MFF: variants seen among roughly 807,000 people sequenced by gnomAD.
MFF encodes the protein mitochondrial fission factor, also known as chromosome 2 open reading frame 33.
Under a neutral mutation model 36.9 loss-of-function variants are expected in MFF, and 12 were observed. That is an observed-to-expected ratio of 0.33 (90% CI 0.21 to 0.53). The LOEUF (loss-of-function observed/expected upper bound fraction) is 0.53. MFF is among the 20% of genes least tolerant of loss of function. The pLI, the probability that MFF is intolerant of heterozygous loss-of-function variation, is 0.95. For synonymous variants in MFF, 99 were observed against 126.2 expected, an observed-to-expected ratio of 0.78 and a Z score of 1.44; for missense variants, 348 against 366.6, an observed-to-expected ratio of 0.95 and a Z score of 0.42.
At chr2:227,328,316 AAAAAC>A (rs1380661944) in intron 1 of MFF, among the ~76,000 whole-genome samples, 21 of 148,708 alleles carry the variant, frequency 1.4e-4, no homozygotes, top group African/African-American at 4.4e-4. Context: ...AAAAAAAAAA[AAAAAC>A]CAATTCATTT....
At chr2:227,333,120 TA>T (rs1054890382) in intron 4 of MFF, among the ~76,000 whole-genome samples, 2 of 152,274 alleles carry the variant, frequency 1.3e-5, no homozygotes, top group African/African-American at 4.8e-5. Context: ...GACTTACAGC[TA>T]ACCTTTGAAG....
intron 6 of MFF, chr2:227,351,670 T>C (rs2076002459): frequency 6.6e-6 from 1 of 152,226 alleles, no homozygotes; most frequent in Admixed American, 6.5e-5. Flanking sequence ...CTTAGAAGCT[T>C]TTGTTTTCTG....
intron 5 of MFF, among the ~76,000 whole-genome samples, chr2:227,342,346 T>G (rs1023746381): frequency 2.0e-5 from 3 of 152,184 alleles, no homozygotes; most frequent in Admixed American, 6.5e-5. Context: ...ATCTACATCT[T>G]ACTAACTTTA....
At chr2:227,354,780 G>A (rs1157836148) in intron 7 of MFF, among the ~76,000 whole-genome samples, 1 of 152,146 alleles carries the variant, frequency 6.6e-6, no homozygotes, top group Non-Finnish European at 1.5e-5. Context: ...GGCCAATTCT[G>A]GAGCTAAATG....
chr2:227,350,710 G>A (rs987043364), intron 6 of MFF, among the ~76,000 whole-genome samples: 1 of 152,064 alleles, frequency 6.6e-6, no homozygotes, highest in African/African-American at 2.4e-5. Context: ...CACATATTCT[G>A]TTACGTCAGA....
In MFF at chr2:227,357,176, A is replaced by G. The variant is rs904100877; in HGVS notation, c.*59A>G. 34 of 1,566,770 alleles carry G rather than the reference A, an allele frequency of 2.2e-5. No homozygotes were observed. Among genetic ancestry groups the G allele is most frequent in the Middle Eastern group, 2.3e-4 (1 of 4,266 alleles). On this transcript the variant is annotated 3_prime_UTR_variant, in exon 9 of 9. Coordinates refer to ENST00000304593, the MANE Select transcript of MFF (RefSeq NM_001277062.2). ...CAGCTGGAAATATAAAAGATTTGCA[A>G]ACTTCTTTGTTTCTGTCTCTGCATT... is the stretch of plus-strand genomic sequence containing the variant.
intron 3 of MFF, among the ~76,000 whole-genome samples, chr2:227,332,182 C>T (rs913402157): frequency 1.3e-5 from 2 of 151,036 alleles, no homozygotes; most frequent in East Asian, 1.9e-4. Flanking sequence ...CCGTTTTAGC[C>T]GGGATGGTCT....
chr2:227,331,614 C>T (rs1364975289), intron 3 of MFF, among the ~76,000 whole-genome samples: 1 of 152,216 alleles, frequency 6.6e-6, no homozygotes, highest in African/African-American at 2.4e-5. Flanking sequence ...TGCATTCCAT[C>T]AGTGATGAAT....
chr2:227,330,568 G>A, intron 2 of MFF, 58 bp from the exon 3 acceptor site: 1 of 1,177,176 alleles, frequency 8.5e-7, no homozygotes, highest in East Asian at 2.4e-5. Flanking sequence ...TAACTTCACT[G>A]CGTAGAGGAG....
intron 5 of MFF, among the ~76,000 whole-genome samples, chr2:227,342,306 A>T (rs1574950845): frequency 6.6e-6 from 1 of 152,108 alleles, no homozygotes; most frequent in Non-Finnish European, 1.5e-5. Flanking sequence ...TACTGTTGTT[A>T]ATTTTATAAT....
intron 6 of MFF, among the ~76,000 whole-genome samples, chr2:227,350,350 T>C (rs372251829): frequency 3.9e-5 from 6 of 152,160 alleles, no homozygotes; most frequent in African/African-American, 1.4e-4. Context: ...ATGTAAAATA[T>C]TCGCATCTTC....
chr2:227,336,395 A>G (rs1396213872), intron 4 of MFF, among the ~76,000 whole-genome samples: 2 of 152,232 alleles, frequency 1.3e-5, no homozygotes, highest in South Asian at 2.1e-4. Flanking sequence ...CGAGAATACT[A>G]TTCATTTCTA....
intron 4 of MFF, among the ~76,000 whole-genome samples, chr2:227,337,458 G>C (rs1296916986): frequency 6.6e-6 from 1 of 152,222 alleles, no homozygotes; most frequent in Non-Finnish European, 1.5e-5. Flanking sequence ...GATTCCTGAA[G>C]AAGAGGTGGG....
intron 6 of MFF, among the ~76,000 whole-genome samples, chr2:227,351,496 T>C (rs1406641416): frequency 6.7e-6 from 1 of 149,526 alleles, no homozygotes; most frequent in Non-Finnish European, 1.5e-5. Context: ...ATTATTGTCT[T>C]GATACTTAAA....
At chr2:227,345,195 A>G (rs1326868568) in intron 5 of MFF, among the ~76,000 whole-genome samples, 1 of 152,204 alleles carries the variant, frequency 6.6e-6, no homozygotes, top group Non-Finnish European at 1.5e-5. Context: ...GTTTAAATAA[A>G]CAATTCATTA....
intron 7 of MFF, among the ~76,000 whole-genome samples, chr2:227,354,886 C>T (rs1415408149): frequency 2.6e-5 from 4 of 152,122 alleles, no homozygotes; most frequent in East Asian, 1.9e-4. Flanking sequence ...ATAGGCCAGG[C>T]GTGGTTGCTC....
chr2:227,353,712 A>G (rs912194411), intron 7 of MFF, among the ~76,000 whole-genome samples: 1 of 152,186 alleles, frequency 6.6e-6, no homozygotes, highest in African/African-American at 2.4e-5. Context: ...TTTAAATTGA[A>G]GTATATAGGT....
intron 6 of MFF, among the ~76,000 whole-genome samples, chr2:227,349,471 C>G (rs1047048199): frequency 6.6e-6 from 1 of 152,014 alleles, no homozygotes; most frequent in Non-Finnish European, 1.5e-5. Flanking sequence ...TTTTCTCATT[C>G]ATTTCAGTAA....
At chr2:227,347,142 TTAAGA>T (rs1178998998) in intron 5 of MFF, 79 bp from the exon 6 acceptor site, 1 of 1,219,584 alleles carries the variant, frequency 8.2e-7, no homozygotes. Flanking sequence ...ACTAAGAAAA[TTAAGA>T]TAAAGACTGC....
Sources: allele counts gnomAD v4.1 joint callset (sites outside exome capture counted in the v4.1 genomes callset), GRCh38; gene constraint gnomAD v4.1.1; transcripts MANE v1.5; gene names NCBI Gene and HGNC (gene_info 2026-07-23, HGNC 2026-07-21).